The following CUX1 variants were observed in gnomAD, a reference collection of about 807,000 sequenced individuals.
CUX1 encodes cut like homeobox 1.
A neutral mutation model predicts 158.8 loss-of-function variants in CUX1; 31 were observed. The observed-to-expected ratio is 0.20, with a 90% CI of 0.15 to 0.26. The LOEUF is 0.26. Ranked by LOEUF, CUX1 falls within the 10% of genes least tolerant of loss-of-function variation. The pLI is 1.00. For missense variants in CUX1, 1,589 were observed against 2,014.6 expected, an observed-to-expected ratio of 0.79 and a Z score of 4.04; for synonymous variants, 879 against 862.1, an observed-to-expected ratio of 1.02 and a Z score of -0.34.
chr7:102,110,068 C>T (rs782058288), intron 6 of CUX1, among the ~76,000 whole-genome samples: 23 of 152,206 alleles, frequency 1.5e-4, no homozygotes, highest in Non-Finnish European at 2.9e-4. Flanking sequence ...ATGTGGTGCA[C>T]GTTGTGATCA....
At chr7:102,189,748 C>A in intron 11 of CUX1, 65 bp from the exon 12 acceptor site, 1 of 1,555,866 alleles carries the variant, frequency 6.4e-7, no homozygotes, top group Non-Finnish European at 8.9e-7. Flanking sequence ...CAGTGAATGC[C>A]GTCGGTGAAG....
At chr7:102,243,677 T>A (rs138929673) in intron 23 of CUX1, among the ~76,000 whole-genome samples, 709 of 138,990 alleles carry the variant, frequency 5.1e-3, no homozygotes, top group African/African-American at 0.016. Flanking sequence ...ATAATAATAA[T>A]AAAATAAATG....
At chr7:102,204,708 A>T in intron 19 of CUX1, 152 bp downstream of exon 19, 2 of 995,578 alleles carry the variant, frequency 2.0e-6, no homozygotes, top group South Asian at 1.7e-5. Flanking sequence ...GTGCTGGGGG[A>T]CAGAACCGTC....
intron 2 of CUX1, among the ~76,000 whole-genome samples, chr7:101,950,306 G>A (rs181686063): frequency 4.6e-5 from 7 of 151,840 alleles, no homozygotes; most frequent in African/African-American, 1.2e-4. Context: ...CACTGCGCTC[G>A]GCCCAGAAGA....
At chr7:102,024,053 C>T (rs1241209848) in intron 2 of CUX1, among the ~76,000 whole-genome samples, 2 of 152,236 alleles carry the variant, frequency 1.3e-5, no homozygotes, top group African/African-American at 4.8e-5. Flanking sequence ...ATTGTATCAT[C>T]TCCTGTACTT....
Position 101,984,092 on chromosome 7 carries a change from ATATATAT to A in CUX1, c.142-44005_142-43999del, listed in dbSNP as rs1563091695. 4.3e-3 allele frequency among the ~76,000 whole-genome samples: 84 copies of A among 19,550 alleles called. 7 individuals carry two copies. The highest frequency in any genetic ancestry group is 0.012 in the East Asian group (8 of 672). 12.8% of individuals were successfully genotyped at this position (19,550 alleles called of 152,430 possible). ...TGTCCCCCCCCAAAAAAAAAAAAAT[ATATATAT>A]ATATATATATATATATATATATATA... On this transcript the variant is annotated intron_variant, in intron 2 of 23. Coordinates refer to ENST00000292535, the MANE Select transcript of CUX1 (RefSeq NM_181552.4).
intron 4 of CUX1, among the ~76,000 whole-genome samples, chr7:102,081,620 C>T (rs1367274123): frequency 1.4e-5 from 2 of 146,830 alleles, no homozygotes; most frequent in East Asian, 1.9e-4. Flanking sequence ...TTATAAATTA[C>T]GCAGTCTCAG....
In CUX1 at chr7:102,256,831, C is replaced by T; in HGVS notation, c.*7789C>T. ...CTCCAAGCGAGAGAGTGATTTCTTGCAAGGCCCGCATGGGTTGATACGTTT... is the reference window on the plus strand; with the variant it reads ...CTCCAAGCGAGAGAGTGATTTCTTGTAAGGCCCGCATGGGTTGATACGTTT... On this transcript the variant is annotated 3_prime_UTR_variant, in exon 24 of 24. Transcript: ENST00000292535. The T allele has an allele frequency of 9.1e-6, 9 of 985,422 alleles. No homozygotes were observed. The highest frequency in any genetic ancestry group is 1.1e-5 in the Non-Finnish European group (9 of 829,942). The allele number at this position is 985,422 out of a possible 1,614,324, so 61.0% of individuals were successfully genotyped here.
At position 102,249,840 on chromosome 7, in the gene CUX1, T is replaced by G; in HGVS notation, c.*798T>G. 1.0e-6 allele frequency: 1 copy of G among 985,648 alleles called. No individual in the cohort carries two copies. The highest frequency in any genetic ancestry group is 1.2e-6 in the Non-Finnish European group (1 of 829,736). The allele number at this position is 985,648 out of a possible 1,614,324, so 61.1% of individuals were successfully genotyped here. ...TCTCGTTTGAAACTTTGAATTAAAA[T>G]AAAACACATTTACTCCACATATTTT... On this transcript the variant is annotated 3_prime_UTR_variant, in exon 24 of 24. Transcript: ENST00000292535.
chr7:101,816,438 T>C, upstream of CUX1, among the ~76,000 whole-genome samples: 1 of 133,558 alleles, frequency 7.5e-6, no homozygotes. Context: ...GCCGCCGCCG[T>C]TGCCGCCGCG....
upstream of CUX1, chr7:101,817,609 G>GCCGGGACAGCC (rs1323565091): frequency 6.5e-7 from 1 of 1,538,140 alleles, no homozygotes; most frequent in African/African-American, 1.4e-5. The surrounding 1 kb of genome is among the most constrained non-coding windows in gnomAD (Gnocchi z 4.1). Flanking sequence ...CGCCCGCGGC[G>GCCGGGACAGCC]CCGGGACAGC....
chr7:102,176,200 T>A (rs967148974), intron 10 of CUX1, among the ~76,000 whole-genome samples: 3 of 152,206 alleles, frequency 2.0e-5, no homozygotes, highest in Non-Finnish European at 2.9e-5. Flanking sequence ...GGCCTCATTT[T>A]CCCCGAGGGA....
chr7:102,001,636 G>C (rs1563114361), intron 2 of CUX1, among the ~76,000 whole-genome samples: 1 of 152,150 alleles, frequency 6.6e-6, no homozygotes, highest in Non-Finnish European at 1.5e-5. Context: ...GAGCCACCGC[G>C]CCCGGCCCCG....
chr7:101,845,277 T>C (rs1170762868), intron 1 of CUX1, among the ~76,000 whole-genome samples: 3 of 152,184 alleles, frequency 2.0e-5, no homozygotes, highest in African/African-American at 7.2e-5. Flanking sequence ...CGAGCCCCCA[T>C]GCCTGACCTG....
At chr7:102,178,406 A>G (rs1792630441) in intron 10 of CUX1, 63 bp from the exon 11 acceptor site, 1 of 1,471,064 alleles carries the variant, frequency 6.8e-7, no homozygotes. Flanking sequence ...TTGCCAGCAC[A>G]GGTAGCCTCG....
chr7:102,070,820 G>A (rs187147002), intron 4 of CUX1, among the ~76,000 whole-genome samples: 2,035 of 152,196 alleles, frequency 0.013, 18 homozygotes, highest in Non-Finnish European at 0.02. Flanking sequence ...GGAGTGTCCC[G>A]CTCCCCTGCC....
intron 3 of CUX1, among the ~76,000 whole-genome samples, chr7:102,044,216 T>A (rs1288781002): frequency 2.6e-5 from 4 of 151,804 alleles, no homozygotes; most frequent in Non-Finnish European, 5.9e-5. Flanking sequence ...AGTCTTGCTC[T>A]GTCGCCCAGG....
chr7:102,278,151 A>G, intron 18 of CUX1: 1 of 948,278 alleles, frequency 1.1e-6, no homozygotes, highest in African/African-American at 1.7e-5. Context: ...AGGGTCGGGG[A>G]CCAAGACCTG....
chr7:101,878,143 A>AAAGGAATGC (rs1799348953), intron 1 of CUX1, among the ~76,000 whole-genome samples: 1 of 152,238 alleles, frequency 6.6e-6, no homozygotes, highest in Non-Finnish European at 1.5e-5. Context: ...TATATGCACA[A>AAAGGAATGC]AAGGAATGCA....
Sources: allele counts gnomAD v4.1 joint callset (sites outside exome capture counted in the v4.1 genomes callset), GRCh38; gene constraint gnomAD v4.1.1; non-coding constraint Gnocchi (gnomAD v3.1); transcripts MANE v1.5; gene names NCBI Gene and HGNC (gene_info 2026-07-23, HGNC 2026-07-21).